The following ADGRL3 variants were observed in gnomAD, a reference collection of about 807,000 sequenced individuals.
ADGRL3 encodes adhesion G protein-coupled receptor L3.
ADGRL3 carries 62 observed loss-of-function variants against 153.5 expected under a neutral mutation model. The observed-to-expected ratio is 0.40, with a 90% CI of 0.33 to 0.50. The LOEUF (loss-of-function observed/expected upper bound fraction) is 0.50. Ranked by LOEUF, ADGRL3 falls within the 20% of genes least tolerant of loss-of-function variation. The pLI is 0.47. For missense variants in ADGRL3, 1,641 were observed against 1,859.4 expected (o/e 0.88, Z 2.16); for synonymous variants, 710 against 672.5 (o/e 1.06, Z -0.86).
At chr4:61,997,856 A>G (rs985636291) in intron 20 of ADGRL3, among the ~76,000 whole-genome samples, 1 of 152,210 alleles carries the variant, frequency 6.6e-6, no homozygotes, top group African/African-American at 2.4e-5. Context: ...CACCTAAAAA[A>G]GTATTGTTTT....
Position 61,200,501 on chromosome 4 carries a change from GCGC to G in ADGRL3, c.-1482_-1480del, listed in dbSNP as rs35918477. On this transcript the variant is annotated 5_prime_UTR_variant, in exon 1 of 27. Coordinates refer to ENST00000683033, the MANE Select transcript of ADGRL3 (RefSeq NM_001387552.1). ...CAGATGCTGCAGCTGGTCGGGGTGG[GCGC>G]CGCCGCCGCCGCCGCCGCCGCTGCT... 5.3e-5 allele frequency among the ~76,000 whole-genome samples: 8 copies of G among 150,406 alleles called. No individual in the cohort carries two copies. The highest frequency in any genetic ancestry group is 4.1e-4 in the East Asian group (2 of 4,866).
chr4:61,985,084 A>G (rs1025746810), intron 19 of ADGRL3, among the ~76,000 whole-genome samples: 1 of 152,098 alleles, frequency 6.6e-6, no homozygotes, highest in African/African-American at 2.4e-5. Context: ...ACAAGATTGG[A>G]AAATCTTGAT....
At chr4:61,263,460 G>GAA (rs61654507) in intron 1 of ADGRL3, among the ~76,000 whole-genome samples, 30,449 of 131,958 alleles carry the variant, frequency 0.23, 3,382 homozygotes, top group South Asian at 0.37. Context: ...GAGTGCATTT[G>GAA]AAAAAAAAAA....
chr4:61,703,913 A>G (rs2095811835), intron 6 of ADGRL3, among the ~76,000 whole-genome samples: 1 of 152,164 alleles, frequency 6.6e-6, no homozygotes, highest in South Asian at 2.1e-4. Context: ...GATGAGGAAC[A>G]GTATCTGTTC....
chr4:61,709,915 G>T (rs976729991), intron 6 of ADGRL3, among the ~76,000 whole-genome samples: 1 of 152,108 alleles, frequency 6.6e-6, no homozygotes, highest in Admixed American at 6.6e-5. Context: ...TCTGGAAGGG[G>T]CTTGTGGGTC....
intron 2 of ADGRL3, among the ~76,000 whole-genome samples, chr4:61,471,989 T>C (rs2097962018): frequency 6.6e-6 from 1 of 152,096 alleles, no homozygotes; most frequent in Non-Finnish European, 1.5e-5. Context: ...ATACAATAAA[T>C]GTATTTAAGA....
Position 61,979,743 on chromosome 4 carries a change from C to G in ADGRL3, c.2986C>G (p.Leu996Val), listed in dbSNP as rs12509110. The change falls in exon 18 of 27, where the codon CTG becomes GTG. Residue 996 changes from leucine (L) to valine (V), a missense_variant. Physicochemically the swap from Leu to Val is conservative, Grantham distance 32. Around this residue, in one of 5 missense-constraint regions of ADGRL3, gnomAD observed 734 missense variants for 797.0 expected, o/e 0.92. Transcript: ENST00000683033. ...TCTCTTTGTAGCAGAGCTGCTCTTC[C>G]TGATTGGGATCAACCGAACTGACCA... The part of the protein sequence containing the change: ...ISLFVAELLF[L>V]IGINRTDQPI... 0.012 allele frequency: 19,185 copies of G among 1,613,900 alleles called. 164 individuals are homozygous for G. The highest frequency in any genetic ancestry group is 0.014 in the Non-Finnish European group (16,157 of 1,179,824).
Position 61,240,119 on chromosome 4 carries a change from G to A in ADGRL3, c.-240+38354G>A, listed in dbSNP as rs142146858. ...AAGGCATGAGAAGATTTGGTGTCTGGTGAGGGTTACTCTCTGCTTCCAAGA... is the reference window on the plus strand; with the variant it reads ...AAGGCATGAGAAGATTTGGTGTCTGATGAGGGTTACTCTCTGCTTCCAAGA... On this transcript the variant is annotated intron_variant, in intron 1 of 26. Transcript: ENST00000683033. Among the ~76,000 whole-genome samples, 7 of 152,216 alleles carry A rather than the reference G, an allele frequency of 4.6e-5. No individual in the cohort carries two copies. The East Asian group carries it at 7.8e-4, about 17-fold the overall frequency.
At chr4:61,742,181 C>T (rs2096588581) in intron 8 of ADGRL3, among the ~76,000 whole-genome samples, 1 of 152,194 alleles carries the variant, frequency 6.6e-6, no homozygotes, top group Non-Finnish European at 1.5e-5. Context: ...TGAGAGTTGA[C>T]TCTATTACGT....
chr4:61,897,962 A>G (rs991855613), intron 11 of ADGRL3, among the ~76,000 whole-genome samples: 3 of 152,164 alleles, frequency 2.0e-5, no homozygotes, highest in African/African-American at 7.2e-5. Flanking sequence ...GTGACCAAAA[A>G]TAAGGAGCAA....
chr4:61,373,975 A>G (rs1022647924), intron 1 of ADGRL3, among the ~76,000 whole-genome samples: 1 of 152,314 alleles, frequency 6.6e-6, no homozygotes, highest in Non-Finnish European at 1.5e-5. Context: ...CAAAAGGCAG[A>G]GTAAAATACC....
At chr4:61,268,484 G>A (rs976646551) in intron 1 of ADGRL3, among the ~76,000 whole-genome samples, 11 of 151,442 alleles carry the variant, frequency 7.3e-5, no homozygotes, top group African/African-American at 1.7e-4. Flanking sequence ...AGTTGTATAA[G>A]AATTTCTTGG....
chr4:61,751,467 G>C (rs575043709), intron 8 of ADGRL3, among the ~76,000 whole-genome samples: 2 of 152,112 alleles, frequency 1.3e-5, no homozygotes, highest in Non-Finnish European at 2.9e-5. Flanking sequence ...AACCCTTTTC[G>C]TAAGTGTAGA....
At chr4:61,598,948 A>T (rs940999919) in intron 5 of ADGRL3, among the ~76,000 whole-genome samples, 1 of 152,194 alleles carries the variant, frequency 6.6e-6, no homozygotes, top group Non-Finnish European at 1.5e-5. Flanking sequence ...ATATGACCCT[A>T]TGCCTTTTAG....
intron 1 of ADGRL3, among the ~76,000 whole-genome samples, chr4:61,364,233 T>G (rs946590657): frequency 1.3e-5 from 2 of 151,150 alleles, no homozygotes; most frequent in Non-Finnish European, 2.9e-5. Context: ...CTCAGGAGGC[T>G]GAGGCAGGGG....
rs1009150223 is a variant in ADGRL3 at position 62,073,425 on chromosome 4, G to A, written c.*2517G>A. 6.6e-6 allele frequency: 1 copy of A among 152,022 alleles called. No homozygotes were observed. Among genetic ancestry groups the A allele is most frequent in the African/African-American group, 2.4e-5 (1 of 41,404 alleles). 9.4% of individuals were successfully genotyped at this position (152,022 alleles called of 1,614,324 possible). ...CACGTCCAAGGCTTTTAACCCACCC[G>A]ATACATAGAATACATTTGGCAATAA... is the stretch of plus-strand genomic sequence containing the variant. On this transcript the variant is annotated 3_prime_UTR_variant, in exon 27 of 27. Transcript: ENST00000683033.
rs568146938 is a variant in ADGRL3, at chr4:62,076,885, A to G, written c.*5977A>G. Reference sequence around the variant, plus strand: ...TCTATTATGAATCTTTCTAATACATATGAAATTAATATTATATTAGAATTA... The same window carrying G: ...TCTATTATGAATCTTTCTAATACATGTGAAATTAATATTATATTAGAATTA... On this transcript the variant is annotated 3_prime_UTR_variant, in exon 27 of 27. Transcript: ENST00000683033. 6.6e-6 allele frequency: 1 copy of G among 151,748 alleles called. No homozygotes were observed. The highest frequency in any genetic ancestry group is 1.9e-4 in the East Asian group (1 of 5,166). 9.4% of individuals were successfully genotyped at this position (151,748 alleles called of 1,614,324 possible).
intron 9 of ADGRL3, among the ~76,000 whole-genome samples, chr4:61,871,028 C>T (rs2098440749): frequency 1.3e-5 from 2 of 152,086 alleles, no homozygotes; most frequent in South Asian, 2.1e-4. Context: ...CCTGTAATCC[C>T]AGCTCTTTGG....
At chr4:61,761,290 G>A (rs1020966316) in intron 8 of ADGRL3, among the ~76,000 whole-genome samples, 1 of 152,194 alleles carries the variant, frequency 6.6e-6, no homozygotes, top group Non-Finnish European at 1.5e-5. Flanking sequence ...TTGGGAAAGG[G>A]CTGTTATCAT....
Sources: gnomAD v4.1 joint callset for allele counts (sites outside exome capture counted in the v4.1 genomes callset) on GRCh38, gnomAD v4.1.1 for gene constraint, gnomAD v4.1.1 regional missense constraint, MANE v1.5 for transcripts, NCBI Gene and HGNC (gene_info 2026-07-23, HGNC 2026-07-21) for gene names.